Variants in CERS3 observed in about 807,000 individuals in gnomAD.
CERS3 encodes ceramide synthase 3.
In CERS3, 33 loss-of-function variants were observed where a neutral mutation model predicts 50.3. The ratio of observed to expected loss-of-function variants is 0.66; its 90% confidence interval spans 0.50 to 0.88. The LOEUF is 0.88. CERS3 is among the 40% of genes least tolerant of loss of function. CERS3 has a pLI of 0.00. For missense variants in CERS3, 470 were observed against 460.3 expected (o/e 1.02, Z -0.19); for synonymous variants, 176 against 155.2 (o/e 1.13, Z -0.99).
chr15:100,527,736 G>A (rs796473811), intron 1 of CERS3, among the ~76,000 whole-genome samples: 2 of 152,330 alleles, frequency 1.3e-5, no homozygotes, highest in African/African-American at 4.8e-5. Flanking sequence ...CAAGGACTTA[G>A]TAAATGTAGA....
At chr15:100,510,795 C>G (rs1243916765) in intron 2 of CERS3, among the ~76,000 whole-genome samples, 1 of 152,182 alleles carries the variant, frequency 6.6e-6, no homozygotes, top group Non-Finnish European at 1.5e-5. Context: ...TAGCCCTGGG[C>G]CATTCATGTC....
rs1023329408 is a variant in CERS3, at chr15:100,437,175, G to A, written c.999+18718C>T. ...TTAGCCAGGATGGTCTTGATCTCCT[G>A]ACCTCGTGATCCGCCTGCCTTGGCC... On this transcript the variant is annotated intron_variant, in intron 11 of 11. Coordinates refer to ENST00000679737, the MANE Select transcript of CERS3 (RefSeq NM_001378789.1). Among the ~76,000 whole-genome samples the A allele has an allele frequency of 4.6e-5, 7 of 152,188 alleles. No individual in the cohort carries two copies. The East Asian group carries it at 1.2e-3, about 25-fold the overall frequency.
chr15:100,407,954 C>T (rs1395770295), intron 11 of CERS3, among the ~76,000 whole-genome samples: 1 of 152,118 alleles, frequency 6.6e-6, no homozygotes, highest in Non-Finnish European at 1.5e-5. Flanking sequence ...TCCCTGCAAC[C>T]TCTGCCTCCA....
upstream of CERS3, among the ~76,000 whole-genome samples, chr15:100,531,484 G>A (rs1052424811): frequency 1.3e-5 from 2 of 151,224 alleles, no homozygotes; most frequent in African/African-American, 4.8e-5. Context: ...CTATGTGTAA[G>A]TCTAGTCATC....
In CERS3 at chr15:100,402,485, A is replaced by AATCTTTGAT. The variant is rs1221167586; in HGVS notation, c.*227_*228insATCAAAGAT. 1.9e-6 allele frequency: 1 copy of AATCTTTGAT among 520,720 alleles called. No individual in the cohort carries two copies. The highest frequency in any genetic ancestry group is 3.4e-6 in the Non-Finnish European group (1 of 294,284). 32.3% of individuals were successfully genotyped at this position (520,720 alleles called of 1,614,324 possible). A position where few individuals can be genotyped will look rare whatever the true frequency, so the allele number is the denominator to read the frequency against. On this transcript the variant is annotated 3_prime_UTR_variant, in exon 12 of 12. Transcript: ENST00000679737. ...GACGGTTCTGTGGAGAAATCTTTGA[A>AATCTTTGAT]ATCTTTGACCAGTCTGAGTCCTAAC... is the stretch of plus-strand genomic sequence containing the variant.
intron 11 of CERS3, among the ~76,000 whole-genome samples, chr15:100,440,682 T>G (rs1343586304): frequency 6.6e-6 from 1 of 152,226 alleles, no homozygotes; most frequent in Non-Finnish European, 1.5e-5. Flanking sequence ...CTTTGCTCTG[T>G]GAGAAAGATC....
rs1381174561 is a variant in CERS3, at chr15:100,490,839, T to A, written c.266A>T (p.His89Leu). ...PNTVLENFFK[H>L]STRQPLQTDI... Reference sequence around the variant, plus strand: ...TACTTGCAATGGTTGCCTTGTGGAATGTTTGAAAAAATTCTCTAAGACAGT... The same window carrying A: ...TACTTGCAATGGTTGCCTTGTGGAAAGTTTGAAAAAATTCTCTAAGACAGT... Residue 89 changes from histidine (H) to leucine (L), a missense_variant, in exon 4 of 12, where the codon CAT (histidine) becomes CTT (leucine). His to Leu is a moderately conservative substitution (Grantham distance 99). Transcript: ENST00000679737. 6.2e-7 allele frequency: 1 copy of A among 1,609,194 alleles called. No individual in the cohort carries two copies. Among genetic ancestry groups the A allele is most frequent in the Non-Finnish European group, 8.5e-7 (1 of 1,176,098 alleles).
At chr15:100,430,319 AAAAG>A (rs1172706171) in intron 11 of CERS3, among the ~76,000 whole-genome samples, 2 of 152,190 alleles carry the variant, frequency 1.3e-5, no homozygotes, top group African/African-American at 2.4e-5. Context: ...CTCAAAAAAA[AAAAG>A]AATGACCAAA....
At chr15:100,458,515 G>A (rs2034446896) in intron 10 of CERS3, among the ~76,000 whole-genome samples, 2 of 151,292 alleles carry the variant, frequency 1.3e-5, no homozygotes, top group Admixed American at 1.3e-4. Context: ...GAACCTGGGA[G>A]GCAGAGCGTG....
intron 6 of CERS3, 61 bp downstream of exon 6, chr15:100,479,928 C>T (rs1596733829): frequency 7.8e-7 from 1 of 1,278,626 alleles, no homozygotes; most frequent in Non-Finnish European, 1.1e-6. Context: ...AAGGAATTCA[C>T]AGACAAGAAT....
intron 11 of CERS3, among the ~76,000 whole-genome samples, chr15:100,414,602 C>T (rs897486387): frequency 6.6e-6 from 1 of 152,050 alleles, no homozygotes; most frequent in African/African-American, 2.4e-5. Flanking sequence ...CAGAACAGAA[C>T]AGAGACCTCA....
At chr15:100,424,330 G>A (rs779039257) in intron 11 of CERS3, among the ~76,000 whole-genome samples, 4 of 152,192 alleles carry the variant, frequency 2.6e-5, no homozygotes, top group African/African-American at 4.8e-5. Context: ...CTGAAAATGT[G>A]AAAGCAGCTT....
At chr15:100,456,469 A>C (rs2034375416) in intron 10 of CERS3, among the ~76,000 whole-genome samples, 1 of 152,260 alleles carries the variant, frequency 6.6e-6, no homozygotes, top group Non-Finnish European at 1.5e-5. Context: ...TCAAAGGTGA[A>C]TAGAGAATTC....
chr15:100,494,033 T>C (rs1192431949), intron 3 of CERS3, among the ~76,000 whole-genome samples: 1 of 151,702 alleles, frequency 6.6e-6, no homozygotes, highest in Non-Finnish European at 1.5e-5. Context: ...ATATTTCCTG[T>C]GTATAGTGCA....
chr15:100,526,478 C>CTGTGTGTGCG (rs1555536157), intron 1 of CERS3, among the ~76,000 whole-genome samples: 1 of 131,458 alleles, frequency 7.6e-6, no homozygotes, highest in Admixed American at 7.5e-5. Context: ...CCTACATAAA[C>CTGTGTGTGCG]TGTGTGTGTG....
intron 11 of CERS3, among the ~76,000 whole-genome samples, chr15:100,417,316 G>A (rs1012053928): frequency 1.3e-5 from 2 of 152,056 alleles, no homozygotes; most frequent in Non-Finnish European, 2.9e-5. Flanking sequence ...AAAGAAAGGG[G>A]TGACGGACGC....
intron 11 of CERS3, among the ~76,000 whole-genome samples, chr15:100,445,127 G>C (rs1164031585): frequency 1.3e-5 from 2 of 151,310 alleles, no homozygotes; most frequent in African/African-American, 4.9e-5. Context: ...TCCTTGGAAT[G>C]CTACAAGGTA....
chr15:100,476,592 T>C (rs900939090), intron 7 of CERS3, among the ~76,000 whole-genome samples: 2 of 152,196 alleles, frequency 1.3e-5, no homozygotes, highest in African/African-American at 4.8e-5. Context: ...CTTAATCTCT[T>C]TTCTGGTGAC....
chr15:100,415,429 A>G lies in CERS3; in HGVS notation c.1000-12564T>C, dbSNP rs187376419. On this transcript the variant is annotated intron_variant, in intron 11 of 11. Transcript: ENST00000679737. ...AACCAGAAATACCATTTGACCCACC[A>G]ATCTCATTACTGGGCATATACCCAA... is the stretch of plus-strand genomic sequence containing the variant. Among the ~76,000 whole-genome samples, 7 of 152,314 alleles carry G rather than the reference A, an allele frequency of 4.6e-5. No individual in the cohort carries two copies. In the South Asian group the frequency reaches 1.0e-3, roughly 23 times the overall value.
Sources: gnomAD v4.1 joint callset for allele counts (sites outside exome capture counted in the v4.1 genomes callset) on GRCh38, gnomAD v4.1.1 for gene constraint, MANE v1.5 for transcripts, NCBI Gene and HGNC (gene_info 2026-07-23, HGNC 2026-07-21) for gene names.